The following RTN1 variants were observed in gnomAD, a reference collection of about 807,000 sequenced individuals.
RTN1 encodes reticulon 1, also known as reticulon-1.
Under a neutral mutation model 65.5 loss-of-function variants are expected in RTN1, and 25 were observed. That is an observed-to-expected ratio of 0.38 (90% confidence interval 0.28 to 0.53). The LOEUF (loss-of-function observed/expected upper bound fraction) is 0.53. RTN1 is among the 20% of genes least tolerant of loss of function. The pLI, the probability that RTN1 is intolerant of heterozygous loss-of-function variation, is 0.79. For missense variants in RTN1, 983 were observed against 1,025.4 expected (o/e 0.96, Z 0.57); for synonymous variants, 471 against 447.6 (o/e 1.05, Z -0.66).
intron 3 of RTN1, among the ~76,000 whole-genome samples, chr14:59,632,186 A>G (rs563137169): frequency 6.6e-6 from 1 of 152,290 alleles, no homozygotes; most frequent in Non-Finnish European, 1.5e-5. Context: ...ATAAAGCTTA[A>G]TGGGGTGTCA....
intron 3 of RTN1, among the ~76,000 whole-genome samples, chr14:59,620,136 AAAG>A (rs1227561414): frequency 6.6e-6 from 1 of 152,160 alleles, no homozygotes; most frequent in Non-Finnish European, 1.5e-5. Context: ...AGTTGTTTTC[AAAG>A]AAGGAGGGAG....
At chr14:59,775,089 T>C (rs949039766) in intron 1 of RTN1, among the ~76,000 whole-genome samples, 29 of 152,144 alleles carry the variant, frequency 1.9e-4, no homozygotes, top group African/African-American at 6.5e-4. Flanking sequence ...TCTTCTTAGA[T>C]GGGGCCATGA....
chr14:59,610,272 T>C (rs1467157434), intron 3 of RTN1: 4 of 643,018 alleles, frequency 6.2e-6, no homozygotes, highest in African/African-American at 5.5e-5. Flanking sequence ...ATGAGTTTGG[T>C]GTAGGGTCGT....
intron 3 of RTN1, among the ~76,000 whole-genome samples, chr14:59,711,051 T>A (rs1389612515): frequency 6.6e-6 from 1 of 152,230 alleles, no homozygotes; most frequent in Non-Finnish European, 1.5e-5. Context: ...ATTCTAGAGT[T>A]CATGCCTTAA....
chr14:59,853,635 C>G (rs2139666388), intron 1 of RTN1, among the ~76,000 whole-genome samples: 1 of 152,248 alleles, frequency 6.6e-6, no homozygotes, highest in African/African-American at 2.4e-5. Flanking sequence ...ATTCCCAGCT[C>G]TCTCCTACTT....
At chr14:59,771,914 A>G (rs1011751787) in intron 1 of RTN1, among the ~76,000 whole-genome samples, 1 of 152,266 alleles carries the variant, frequency 6.6e-6, no homozygotes, top group Non-Finnish European at 1.5e-5. Context: ...CGCAGTAAGA[A>G]GAAATATCTG....
chr14:59,640,197 T>A (rs1882747507), intron 3 of RTN1, among the ~76,000 whole-genome samples: 1 of 152,258 alleles, frequency 6.6e-6, no homozygotes, highest in South Asian at 2.1e-4. Context: ...TAAAACAGTT[T>A]GTAATTATAG....
At chr14:59,689,784 C>A (rs985904302) in intron 3 of RTN1, among the ~76,000 whole-genome samples, 1 of 152,140 alleles carries the variant, frequency 6.6e-6, no homozygotes, top group African/African-American at 2.4e-5. Flanking sequence ...ATTAGACCAA[C>A]CTTACAAGCG....
intron 1 of RTN1, among the ~76,000 whole-genome samples, chr14:59,797,740 G>C (rs552372116): frequency 6.6e-6 from 1 of 152,292 alleles, no homozygotes; most frequent in South Asian, 2.1e-4. Context: ...AGAAGTACCA[G>C]AGTCATATTA....
intron 3 of RTN1, among the ~76,000 whole-genome samples, chr14:59,674,491 T>G (rs1271762558): frequency 6.6e-6 from 1 of 151,920 alleles, no homozygotes; most frequent in Non-Finnish European, 1.5e-5. Context: ...AAGCACGGAG[T>G]TGGAGAGATG....
intron 1 of RTN1, among the ~76,000 whole-genome samples, chr14:59,855,475 C>T (rs1314869876): frequency 6.6e-6 from 1 of 152,030 alleles, no homozygotes; most frequent in East Asian, 1.9e-4. Context: ...TGGGGACTCT[C>T]TATTTTATTA....
chr14:59,772,018 G>C (rs1295466681), intron 1 of RTN1, among the ~76,000 whole-genome samples: 1 of 152,058 alleles, frequency 6.6e-6, no homozygotes, highest in African/African-American at 2.4e-5. Flanking sequence ...CTGATAATAT[G>C]TACACTAAAA....
chr14:59,643,873 A>G (rs932776214), intron 3 of RTN1, among the ~76,000 whole-genome samples: 1 of 149,898 alleles, frequency 6.7e-6, no homozygotes, highest in African/African-American at 2.5e-5. Context: ...ACAGAAACAA[A>G]AGAATGATCC....
intron 3 of RTN1, among the ~76,000 whole-genome samples, chr14:59,647,645 T>C (rs1882929739): frequency 6.6e-6 from 1 of 152,044 alleles, no homozygotes; most frequent in South Asian, 2.1e-4. Flanking sequence ...ACTCAAAACA[T>C]GCAGTTACAT....
intron 1 of RTN1, among the ~76,000 whole-genome samples, chr14:59,795,765 T>C (rs771267740): frequency 2.0e-5 from 3 of 152,080 alleles, no homozygotes; most frequent in Non-Finnish European, 2.9e-5. Flanking sequence ...GACTGACAGA[T>C]TTAGATGTAT....
intron 3 of RTN1, among the ~76,000 whole-genome samples, chr14:59,631,606 C>T (rs1302126818): frequency 1.3e-5 from 2 of 152,180 alleles, no homozygotes; most frequent in East Asian, 1.9e-4. Flanking sequence ...CTTTTTAAAT[C>T]TTACCATAAA....
intron 1 of RTN1, among the ~76,000 whole-genome samples, chr14:59,746,770 C>T (rs1055327210): frequency 5.9e-5 from 9 of 152,120 alleles, no homozygotes; most frequent in Admixed American, 3.9e-4. Flanking sequence ...TTATTTTCAA[C>T]GTCTACCACC....
chr14:59,727,008 C>T lies in RTN1; in HGVS notation c.1676G>A (p.Ser559Asn). 1.2e-6 allele frequency: 2 copies of T among 1,613,572 alleles called. No individual in the cohort carries two copies. The highest frequency in any genetic ancestry group is 1.1e-5 in the South Asian group (1 of 90,966). The change falls in exon 3 of 9, where the codon AGT (serine) becomes AAT (asparagine). Residue 559 changes from serine to asparagine, a missense_variant. Coordinates refer to ENST00000267484, the MANE Select transcript of RTN1 (RefSeq NM_021136.3). This position sits in a 1 kb window ranked among gnomAD's most constrained non-coding sequence, Gnocchi z 4.2. ...MLPRKPEEDS[S>N]SNQSPAATKG... Reference sequence around the variant, plus strand: ...TGTGGCCGCAGGACTTTGGTTGGAACTCGAGTCTTCTTCAGGCTTCCGTGG... The same window carrying T: ...TGTGGCCGCAGGACTTTGGTTGGAATTCGAGTCTTCTTCAGGCTTCCGTGG...
intron 1 of RTN1, among the ~76,000 whole-genome samples, chr14:59,767,284 G>A (rs998623782): frequency 4.6e-5 from 7 of 152,188 alleles, no homozygotes; most frequent in African/African-American, 7.2e-5. Flanking sequence ...AGAAGAAACT[G>A]GTTGCCCTTC....
Sources: allele counts gnomAD v4.1 joint callset (sites outside exome capture counted in the v4.1 genomes callset), GRCh38; gene constraint gnomAD v4.1.1; non-coding constraint Gnocchi (gnomAD v3.1); transcripts MANE v1.5; gene names NCBI Gene and HGNC (gene_info 2026-07-23, HGNC 2026-07-21).